The following TMEM132E variants were observed in gnomAD, a reference collection of about 807,000 sequenced individuals.
TMEM132E encodes transmembrane protein 132E.
TMEM132E carries 49 observed loss-of-function variants against 78.5 expected under a neutral mutation model. The ratio of observed to expected loss-of-function variants is 0.62; its 90% CI spans 0.50 to 0.79. The LOEUF (loss-of-function observed/expected upper bound fraction) is 0.79. Among genes scored for constraint, TMEM132E ranks in the 30% least tolerant of loss-of-function variants. The probability of loss-of-function intolerance (pLI) is 0.00; values close to 1 mark genes in which losing one functional copy is unlikely to be tolerated. For synonymous variants in TMEM132E, 715 were observed against 670.6 expected, an observed-to-expected ratio of 1.07 and a Z score of -1.02; for missense variants, 1,403 against 1,470.9, an observed-to-expected ratio of 0.95 and a Z score of 0.75.
chr17:34,598,425 G>A (rs1042841688), intron 1 of TMEM132E, among the ~76,000 whole-genome samples: 1 of 152,120 alleles, frequency 6.6e-6, no homozygotes, highest in African/African-American at 2.4e-5. Flanking sequence ...CTTTCTGGTG[G>A]GGGTGAAGCC....
intron 2 of TMEM132E, 33 bp from the exon 3 acceptor site, chr17:34,628,530 C>G (rs1387731719): frequency 6.2e-7 from 1 of 1,611,934 alleles, no homozygotes; most frequent in East Asian, 2.2e-5. Context: ...GTAGCCTGAC[C>G]CTCTCCCTCT....
intron 1 of TMEM132E, among the ~76,000 whole-genome samples, chr17:34,598,612 C>G (rs879495335): frequency 6.6e-6 from 1 of 152,232 alleles, no homozygotes; most frequent in Admixed American, 6.5e-5. Context: ...GATAAAGCCC[C>G]TTTGTCATCC....
rs766010152 is a variant in TMEM132E, at chr17:34,637,607, C to A, written c.2600C>A (p.Thr867Lys). 1.2e-6 allele frequency: 2 copies of A among 1,602,874 alleles called. No individual in the cohort carries two copies. The highest frequency in any genetic ancestry group is 1.1e-5 in the South Asian group (1 of 90,574). The change falls in exon 9 of 9, where the codon ACA (threonine) becomes AAA (lysine). Residue 867 changes from threonine (T) to lysine (K), a missense_variant. By Grantham distance (78) the Thr-to-Lys change is moderately conservative. This residue lies in a region of TMEM132E where 888 missense variants were observed against 952.8 expected (regional missense o/e 0.93). Transcript: ENST00000631683. The part of the protein sequence containing the change: ...PGTASPVVPP[T>K]EDFLPLPTGF... ...ACCGCCAGCCCCGTCGTGCCACCCA[C>A]AGAAGACTTCCTGCCGCTGCCCACC... is the stretch of plus-strand genomic sequence containing the variant.
At position 34,626,678 on chromosome 17, in the gene TMEM132E, G is replaced by A; in HGVS notation, c.619G>A (p.Ala207Thr). 7.1e-7 allele frequency: 1 copy of A among 1,405,488 alleles called. No individual in the cohort carries two copies. 87.1% of individuals were successfully genotyped at this position (1,405,488 alleles called of 1,614,324 possible). A position where few individuals can be genotyped will look rare whatever the true frequency, so the allele number is the denominator to read the frequency against. Residue 207 changes from alanine to threonine, a missense_variant, in exon 2 of 9, where the codon GCG (alanine) becomes ACG (threonine). Ala to Thr is a moderately conservative substitution (Grantham distance 58, BLOSUM62 0). Coordinates refer to ENST00000631683, the MANE Select transcript of TMEM132E (RefSeq NM_001304438.2). ...LAWFGPPAPA[A>T]PPTARRKSPD... The stretch of plus-strand genomic sequence containing the variant: ...CTGGTTCGGGCCCCCAGCCCCCGCT[G>A]CGCCACCCACGGCCCGCCGCAAGTC...
chr17:34,602,750 C>A (rs1234782321), intron 1 of TMEM132E, among the ~76,000 whole-genome samples: 2 of 152,192 alleles, frequency 1.3e-5, no homozygotes, highest in African/African-American at 4.8e-5. Context: ...AACCCGGGAG[C>A]TGTACACAGC....
chr17:34,582,730 A>G (rs1905537693), intron 1 of TMEM132E, among the ~76,000 whole-genome samples: 1 of 152,100 alleles, frequency 6.6e-6, no homozygotes, highest in Non-Finnish European at 1.5e-5. Flanking sequence ...CTGGAGCTGC[A>G]TGGGCTGCAC....
In TMEM132E at chr17:34,638,261, C is replaced by CG. The variant is rs753300255; in HGVS notation, c.*29_*30insG. Reference sequence around the variant, plus strand: ...CGCCAGCCGGAGTAGCAGGGACCCCCCCCCCCAACGGGGTCAGCTCGGGGT... The same window carrying CG: ...CGCCAGCCGGAGTAGCAGGGACCCCCGCCCCCCAACGGGGTCAGCTCGGGGT... On this transcript the variant is annotated 3_prime_UTR_variant, in exon 9 of 9. Transcript: ENST00000631683. 9.5e-6 allele frequency: 14 copies of CG among 1,473,318 alleles called. No individual in the cohort carries two copies. The South Asian group carries it at 1.5e-4, about 16-fold the overall frequency. 91.3% of individuals were successfully genotyped at this position (1,473,318 alleles called of 1,614,324 possible). A position where few individuals can be genotyped will look rare whatever the true frequency, so the allele number is the denominator to read the frequency against.
At chr17:34,602,660 T>C (rs1428357228) in intron 1 of TMEM132E, among the ~76,000 whole-genome samples, 1 of 152,066 alleles carries the variant, frequency 6.6e-6, no homozygotes, top group Non-Finnish European at 1.5e-5. Flanking sequence ...TTCATCCCCA[T>C]GGAGTCAATC....
rs866682174 is a variant in TMEM132E, at chr17:34,594,277, G to A, written c.67+13134G>A. 8.5e-5 allele frequency among the ~76,000 whole-genome samples: 13 copies of A among 152,180 alleles called. No homozygotes were observed. The South Asian group carries it at 1.0e-3, about 12-fold the overall frequency. On this transcript the variant is annotated intron_variant, in intron 1 of 8. Coordinates refer to ENST00000631683, the MANE Select transcript of TMEM132E (RefSeq NM_001304438.2). ...AATGAACCTGGGAGCCTACTCCTTCGCAACTGCTCACCCTTTCCACCCAAG... is the reference window on the plus strand; with the variant it reads ...AATGAACCTGGGAGCCTACTCCTTCACAACTGCTCACCCTTTCCACCCAAG...
At position 34,636,044 on chromosome 17, in the gene TMEM132E, C is replaced by T. The variant is rs1384992962; in HGVS notation, c.2015C>T (p.Thr672Met). 14 of 1,553,610 alleles carry T rather than the reference C, an allele frequency of 9.0e-6. No individual in the cohort carries two copies. The East Asian group carries it at 1.0e-4, about 11-fold the overall frequency. Residue 672 changes from threonine (T) to methionine (M), a missense_variant, in exon 8 of 9, where the codon ACG (threonine) becomes ATG (methionine). Coordinates refer to ENST00000631683, the MANE Select transcript of TMEM132E (RefSeq NM_001304438.2). ...CTGACGGAGGCTGTGCTCGGGGAGA[C>T]GCTGCTGACGGTGACTGAGGAGAAG... The part of the protein sequence containing the change: ...SPLTEAVLGE[T>M]LLTVTEEKVS...
rs762355314 is a variant in TMEM132E at position 34,626,825 on chromosome 17, G to A, written c.766G>A (p.Val256Met). ...CTCCCGCCGGGGGGCCGGGCCCGGGGTGGGGGCCCGAGCGGAAAGCCCTAC... is the reference window on the plus strand; with the variant it reads ...CTCCCGCCGGGGGGCCGGGCCCGGGATGGGGGCCCGAGCGGAAAGCCCTAC... ...GGSRRGAGPG[V>M]GARAESPTQH... The change falls in exon 2 of 9, where the codon GTG (valine) becomes ATG (methionine). Residue 256 changes from valine (V) to methionine (M), a missense_variant. This residue lies in a region of TMEM132E where 511 missense variants were observed against 499.0 expected (regional missense o/e 1.02). Transcript: ENST00000631683. The A allele has an allele frequency of 1.5e-5, 24 of 1,550,402 alleles. No homozygotes were observed. The highest frequency in any genetic ancestry group is 1.9e-5 in the Non-Finnish European group (22 of 1,154,090).
Position 34,626,998 on chromosome 17 carries a change from C to T in TMEM132E, c.939C>T (p.Leu313=), listed in dbSNP as rs939106941. 4 of 1,613,896 alleles carry T rather than the reference C, an allele frequency of 2.5e-6. No homozygotes were observed. Among genetic ancestry groups the T allele is most frequent in the African/African-American group, 1.3e-5 (1 of 75,058 alleles). ...CCGGGGAAGTGCTCAGCATCCTCCT[C>T]TATCTGGCCCCCAACTCCTCCTCGC... ...LKPGEVLSIL[L]YLAPNSSSPS... is the part of the protein sequence containing the mutation. Residue 313 remains leucine, a synonymous_variant, in exon 2 of 9, where the codon CTC becomes CTT. Coordinates refer to ENST00000631683, the MANE Select transcript of TMEM132E (RefSeq NM_001304438.2).
chr17:34,622,544 A>G (rs1489165057), intron 1 of TMEM132E, among the ~76,000 whole-genome samples: 2 of 152,156 alleles, frequency 1.3e-5, no homozygotes, highest in African/African-American at 4.8e-5. Flanking sequence ...CAGCTTTCTT[A>G]TCTGCAAGGT....
intron 1 of TMEM132E, among the ~76,000 whole-genome samples, chr17:34,584,798 C>T (rs759376182): frequency 6.6e-6 from 1 of 152,228 alleles, no homozygotes; most frequent in Non-Finnish European, 1.5e-5. Context: ...TGGGCACATA[C>T]AAGACCCATG....
In TMEM132E at chr17:34,638,265, C is replaced by CCCG; in HGVS notation, c.*35_*36insGCC. 1 of 1,470,662 alleles carries CCCG rather than the reference C, an allele frequency of 6.8e-7. No individual in the cohort carries two copies. The highest frequency in any genetic ancestry group is 1.4e-5 in the South Asian group (1 of 71,250). 91.1% of individuals were successfully genotyped at this position (1,470,662 alleles called of 1,614,324 possible). A position where few individuals can be genotyped will look rare whatever the true frequency, so the allele number is the denominator to read the frequency against. On this transcript the variant is annotated 3_prime_UTR_variant, in exon 9 of 9. Coordinates refer to ENST00000631683, the MANE Select transcript of TMEM132E (RefSeq NM_001304438.2). Reference sequence around the variant, plus strand: ...AGCCGGAGTAGCAGGGACCCCCCCCCCCAACGGGGTCAGCTCGGGGTAGGA... The same window carrying CCCG: ...AGCCGGAGTAGCAGGGACCCCCCCCCCCGCCAACGGGGTCAGCTCGGGGTAGGA...
intron 5 of TMEM132E, among the ~76,000 whole-genome samples, chr17:34,632,045 C>T (rs957971813): frequency 1.3e-5 from 2 of 152,190 alleles, no homozygotes; most frequent in African/African-American, 4.8e-5. Flanking sequence ...GGTGGGCAGG[C>T]ATTTACAACA....
At chr17:34,625,093 A>G (rs149279265) in intron 1 of TMEM132E, among the ~76,000 whole-genome samples, 29 of 151,964 alleles carry the variant, frequency 1.9e-4, no homozygotes, top group African/African-American at 6.8e-4. Context: ...AGAAAAAAAT[A>G]CTCTGGCTAC....
At chr17:34,595,628 C>A (rs1277705531) in intron 1 of TMEM132E, among the ~76,000 whole-genome samples, 3 of 152,174 alleles carry the variant, frequency 2.0e-5, no homozygotes, top group Non-Finnish European at 4.4e-5. Flanking sequence ...TCACCTGGAA[C>A]CATTTCTGTT....
At chr17:34,589,751 C>T (rs1905799664) in intron 1 of TMEM132E, among the ~76,000 whole-genome samples, 1 of 152,160 alleles carries the variant, frequency 6.6e-6, no homozygotes, top group Admixed American at 6.5e-5. Flanking sequence ...ACAACCGGAG[C>T]CCTGCCACCG....
Sources: allele counts gnomAD v4.1 joint callset (sites outside exome capture counted in the v4.1 genomes callset), GRCh38; gene constraint gnomAD v4.1.1; regional missense constraint gnomAD v4.1.1; transcripts MANE v1.5; gene names NCBI Gene and HGNC (gene_info 2026-07-23, HGNC 2026-07-21).